Variants in CD200 observed in about 807,000 individuals in gnomAD.
CD200 encodes CD200 molecule.
Under a neutral mutation model 30.9 loss-of-function variants are expected in CD200, and 15 were observed. That is an observed-to-expected ratio of 0.49 (90% CI 0.32 to 0.75). CD200 has a LOEUF of 0.75. CD200 is among the 30% of genes least tolerant of loss of function. The pLI, the probability that CD200 is intolerant of heterozygous loss-of-function variation, is 0.03. For missense variants in CD200, 262 were observed against 324.2 expected, an observed-to-expected ratio of 0.81 and a Z score of 1.47; for synonymous variants, 134 against 126.2, an observed-to-expected ratio of 1.06 and a Z score of -0.41.
chr3:112,357,772 AT>A (rs767110424), intron 5 of CD200, among the ~76,000 whole-genome samples: 15 of 152,218 alleles, frequency 9.9e-5, no homozygotes, highest in Non-Finnish European at 1.9e-4. Context: ...GCAAAACGGC[AT>A]GTAACAGAAC....
chr3:112,339,130 A>C (rs2081183769), intron 1 of CD200, among the ~76,000 whole-genome samples: 1 of 152,226 alleles, frequency 6.6e-6, no homozygotes, highest in Non-Finnish European at 1.5e-5. Context: ...CCTTATGCAA[A>C]ATATAAGTTG....
chr3:112,354,286 T>C (rs34345145), intron 5 of CD200, among the ~76,000 whole-genome samples: 44,168 of 152,180 alleles, frequency 0.29, 7,282 homozygotes, highest in Non-Finnish European at 0.37. Context: ...CCCTTGGCTT[T>C]TTGGCCATGG....
intron 5 of CD200, among the ~76,000 whole-genome samples, chr3:112,354,657 C>T (rs944747616): frequency 6.6e-6 from 1 of 152,220 alleles, no homozygotes; most frequent in Non-Finnish European, 1.5e-5. Flanking sequence ...TATTAATTTT[C>T]TATTGCTTCT....
intron 3 of CD200, among the ~76,000 whole-genome samples, chr3:112,346,628 G>C (rs1314360323): frequency 6.6e-6 from 1 of 152,094 alleles, no homozygotes; most frequent in Non-Finnish European, 1.5e-5. Flanking sequence ...ATCTTAGCCA[G>C]AGCCACAGTT....
At chr3:112,354,139 T>C (rs1327191945) in intron 5 of CD200, among the ~76,000 whole-genome samples, 1 of 152,168 alleles carries the variant, frequency 6.6e-6, no homozygotes, top group Non-Finnish European at 1.5e-5. Context: ...CTCTCTAACA[T>C]CTAAACCCAC....
intron 2 of CD200, among the ~76,000 whole-genome samples, chr3:112,342,324 T>TC (rs1559783004): frequency 1.3e-4 from 4 of 31,558 alleles, no homozygotes; most frequent in African/African-American, 2.5e-4. Context: ...TTTCTTTCTT[T>TC]CTTTCTTTCT....
chr3:112,348,299 G>C (rs1415899058), intron 4 of CD200, among the ~76,000 whole-genome samples: 1 of 152,168 alleles, frequency 6.6e-6, no homozygotes, highest in Non-Finnish European at 1.5e-5. Context: ...GCTCAATCTG[G>C]GGGAGATTTG....
intron 2 of CD200, among the ~76,000 whole-genome samples, chr3:112,343,144 T>C (rs2081306234): frequency 1.3e-5 from 2 of 152,082 alleles, no homozygotes; most frequent in South Asian, 4.1e-4. Flanking sequence ...TCTATCATAG[T>C]ATGAGTTGCT....
chr3:112,361,389 TG>T (rs2081739092), intron 5 of CD200, among the ~76,000 whole-genome samples, 153 bp from the exon 6 acceptor site: 2 of 152,206 alleles, frequency 1.3e-5, no homozygotes, highest in African/African-American at 2.4e-5. Context: ...CACACCATAC[TG>T]GGTCAGAAAT....
intron 4 of CD200, among the ~76,000 whole-genome samples, chr3:112,349,038 C>A (rs1295615369): frequency 6.6e-6 from 1 of 152,108 alleles, no homozygotes; most frequent in Non-Finnish European, 1.5e-5. Context: ...AAATCCCTGT[C>A]TGAGGTCTGA....
chr3:112,335,543 G>A (rs1311444644), intron 1 of CD200, among the ~76,000 whole-genome samples: 1 of 152,186 alleles, frequency 6.6e-6, no homozygotes, highest in African/African-American at 2.4e-5. Context: ...CAGTATTACT[G>A]TGTACTATGA....
intron 1 of CD200, chr3:112,334,140 C>T: frequency 9.1e-6 from 9 of 985,306 alleles, no homozygotes; most frequent in Non-Finnish European, 1.1e-5. Context: ...AACTATCCTT[C>T]TAAAAATGAA....
intron 4 of CD200, 128 bp downstream of exon 4, chr3:112,347,958 G>A: frequency 4.8e-6 from 4 of 835,384 alleles, no homozygotes; most frequent in Non-Finnish European, 5.4e-6. Context: ...GGCAAATAAG[G>A]AAAAAACAAA....
At chr3:112,333,346 A>C (rs1218219811) in intron 1 of CD200, 122 bp downstream of exon 1, 5 of 1,454,308 alleles carry the variant, frequency 3.4e-6, no homozygotes, top group Non-Finnish European at 4.5e-6. Flanking sequence ...TGGTCCGGGG[A>C]CTAGATCAGC....
chr3:112,337,441 A>G (rs879370664), intron 1 of CD200, among the ~76,000 whole-genome samples: 4 of 152,220 alleles, frequency 2.6e-5, no homozygotes, highest in Non-Finnish European at 5.9e-5. Context: ...TGGTGCGTTT[A>G]GAAGTAGAAA....
intron 1 of CD200, chr3:112,336,035 C>T: frequency 1.3e-6 from 2 of 1,513,694 alleles, no homozygotes; most frequent in Non-Finnish European, 9.2e-7. Flanking sequence ...TCTACCCCTA[C>T]CTATGAAGGG....
chr3:112,348,645 C>G (rs1195600834), intron 4 of CD200, among the ~76,000 whole-genome samples: 1 of 152,158 alleles, frequency 6.6e-6, no homozygotes. Context: ...TATTACTCCT[C>G]TTTTTTGGAG....
chr3:112,351,954 A>T (rs1331377301), intron 5 of CD200, among the ~76,000 whole-genome samples: 1 of 152,204 alleles, frequency 6.6e-6, no homozygotes, highest in Non-Finnish European at 1.5e-5. Context: ...TAACAGAGAG[A>T]GAACTCACTC....
chr3:112,350,236 A>G (rs1323097990), intron 5 of CD200, among the ~76,000 whole-genome samples: 1 of 152,098 alleles, frequency 6.6e-6, no homozygotes, highest in African/African-American at 2.4e-5. Flanking sequence ...TCTGTGTTAT[A>G]CTCCCACGAT....
Sources: allele counts gnomAD v4.1 joint callset (sites outside exome capture counted in the v4.1 genomes callset), GRCh38; gene constraint gnomAD v4.1.1; transcripts MANE v1.5; gene names NCBI Gene and HGNC (gene_info 2026-07-23, HGNC 2026-07-21).